The following VEZT variants were observed in gnomAD, a reference collection of about 807,000 sequenced individuals.
VEZT encodes the protein vezatin.
VEZT carries 39 observed loss-of-function variants against 79.9 expected under a neutral mutation model. The observed-to-expected ratio is 0.49, with a 90% CI of 0.38 to 0.64. VEZT has a LOEUF of 0.64. Among genes scored for constraint, VEZT ranks in the 30% least tolerant of loss-of-function variants. The probability of loss-of-function intolerance (pLI) is 0.00; values close to 1 mark genes in which losing one functional copy is unlikely to be tolerated. For synonymous variants in VEZT, 325 were observed against 327.6 expected (o/e 0.99, Z 0.09); for missense variants, 837 against 893.1 (o/e 0.94, Z 0.80).
chr12:95,293,772 A>C (rs1419712428), intron 9 of VEZT: 1 of 156,290 alleles, frequency 6.4e-6, no homozygotes, highest in Non-Finnish European at 1.4e-5. Context: ...TAAAGACTTA[A>C]AGTTAAGTTG....
intron 1 of VEZT, among the ~76,000 whole-genome samples, chr12:95,246,156 T>G (rs1286516977): frequency 6.6e-6 from 1 of 151,934 alleles, no homozygotes; most frequent in Non-Finnish European, 1.5e-5. Flanking sequence ...GGAGTCTCGC[T>G]CTGTTGCCCA....
intron 3 of VEZT, chr12:95,258,136 G>T: frequency 4.9e-6 from 2 of 411,976 alleles, no homozygotes; most frequent in Non-Finnish European, 9.8e-6. Context: ...TACTTTTTTA[G>T]CAATCCAAAT....
chr12:95,247,261 C>T (rs2061854338), intron 1 of VEZT, among the ~76,000 whole-genome samples: 2 of 152,302 alleles, frequency 1.3e-5, no homozygotes, highest in Admixed American at 6.5e-5. Flanking sequence ...TTCTTTGATA[C>T]TACAATGATC....
chr12:95,275,508 C>T (rs1329206897), intron 7 of VEZT, among the ~76,000 whole-genome samples: 1 of 151,374 alleles, frequency 6.6e-6, no homozygotes, highest in Non-Finnish European at 1.5e-5. Flanking sequence ...ACCCGGAAGG[C>T]AGAGTTTGCA....
chr12:95,248,308 G>T (rs1453275205), intron 1 of VEZT, among the ~76,000 whole-genome samples: 1 of 152,174 alleles, frequency 6.6e-6, no homozygotes, highest in East Asian at 1.9e-4. Flanking sequence ...GATATGATCT[G>T]TGATATATAA....
chr12:95,245,281 C>T (rs1412422802), intron 1 of VEZT, among the ~76,000 whole-genome samples: 4 of 151,996 alleles, frequency 2.6e-5, no homozygotes, highest in African/African-American at 9.7e-5. Flanking sequence ...CTCAGAGTGT[C>T]GTGAGTTTTG....
intron 1 of VEZT, among the ~76,000 whole-genome samples, chr12:95,251,520 C>A (rs1486391722): frequency 6.6e-6 from 1 of 152,102 alleles, no homozygotes; most frequent in East Asian, 1.9e-4. Flanking sequence ...TATTATAATT[C>A]ATACAATATA....
rs1252230782 is a variant in VEZT at position 95,271,852 on chromosome 12, C to A, written c.848+1664C>A. Reference sequence around the variant, plus strand: ...GAACAAGATAGACAAGATCCTTATTCTCGTGGAGCTTACCTTCTAGTAGAT... The same window carrying A: ...GAACAAGATAGACAAGATCCTTATTATCGTGGAGCTTACCTTCTAGTAGAT... On this transcript the variant is annotated intron_variant, in intron 6 of 11. Transcript: ENST00000436874. 2.6e-5 allele frequency among the ~76,000 whole-genome samples: 4 copies of A among 152,266 alleles called. No homozygotes were observed. The East Asian group carries it at 7.7e-4, about 29-fold the overall frequency.
chr12:95,236,951 A>T (rs12830009), intron 1 of VEZT, among the ~76,000 whole-genome samples: 16,623 of 152,204 alleles, frequency 0.11, 999 homozygotes, highest in East Asian at 0.25. Flanking sequence ...TTGGGAATAA[A>T]TGTAGATATT....
chr12:95,273,706 C>T (rs938058757), intron 6 of VEZT, among the ~76,000 whole-genome samples: 25 of 151,860 alleles, frequency 1.6e-4, no homozygotes, highest in African/African-American at 5.8e-4. Context: ...AATCTCAATA[C>T]CAAAACATGT....
At chr12:95,220,713 A>T (rs1481469702) in intron 1 of VEZT, among the ~76,000 whole-genome samples, 1 of 151,850 alleles carries the variant, frequency 6.6e-6, no homozygotes, top group Non-Finnish European at 1.5e-5. Flanking sequence ...TTATTTTGGC[A>T]TAGTATTCCA....
intron 5 of VEZT, among the ~76,000 whole-genome samples, chr12:95,269,570 T>C (rs1246055964): frequency 3.3e-5 from 5 of 152,208 alleles, no homozygotes; most frequent in East Asian, 1.9e-4. Flanking sequence ...AGTGAACATA[T>C]GTGATGAACG....
Position 95,262,980 on chromosome 12 carries a change from G to A in VEZT, c.333G>A (p.Leu111=), listed in dbSNP as rs1566147971. The A allele has an allele frequency of 6.2e-6, 10 of 1,613,524 alleles. No individual in the cohort carries two copies. The highest frequency in any genetic ancestry group is 8.5e-6 in the Non-Finnish European group (10 of 1,179,524). The change falls in exon 4 of 12, where the codon CTG becomes CTA. Residue 111 remains leucine, a synonymous_variant. Transcript: ENST00000436874. ...QEVLLQEDVE[L]IELLDPSILS... ...TCCTGTTACAAGAGGATGTGGAGCT[G>A]ATTGAGCTACTTGATCCCAGTATCC...
chr12:95,282,402 C>T lies in VEZT; in HGVS notation c.1086C>T (p.Pro362=), dbSNP rs755075952. The T allele has an allele frequency of 1.2e-6, 2 of 1,613,952 alleles. No individual in the cohort carries two copies. Among genetic ancestry groups the T allele is most frequent in the Non-Finnish European group, 1.7e-6 (2 of 1,179,892 alleles). ...CTACAGCCAATTCACCTCCTGGGCC[C>T]TTACTTACTCCAGCACTTCTGCCTC... The part of the protein sequence containing the change: ...LLSTANSPPG[P]LLTPALLPHR... The change falls in exon 8 of 12, where the codon CCC becomes CCT. Residue 362 remains proline, a synonymous_variant. Coordinates refer to ENST00000436874, the MANE Select transcript of VEZT (RefSeq NM_017599.4).
At chr12:95,239,993 G>A (rs2060723156) in intron 1 of VEZT, among the ~76,000 whole-genome samples, 1 of 147,260 alleles carries the variant, frequency 6.8e-6, no homozygotes, top group Non-Finnish European at 1.5e-5. Context: ...GAGAGAGAGA[G>A]AGGAGACAGA....
chr12:95,276,098 G>A (rs2067651135), intron 7 of VEZT, among the ~76,000 whole-genome samples: 2 of 152,016 alleles, frequency 1.3e-5, no homozygotes, highest in Middle Eastern at 3.4e-3. Context: ...TCATACAGGT[G>A]TATGAAGCAA....
intron 1 of VEZT, among the ~76,000 whole-genome samples, chr12:95,234,284 CTTTTT>C (rs10587022): frequency 4.9e-5 from 6 of 122,944 alleles, no homozygotes; most frequent in Non-Finnish European, 6.8e-5. Flanking sequence ...TATCAATAAT[CTTTTT>C]TTTTTTTTTT....
chr12:95,254,339 C>CTTTTTTTTTTT (rs34968028), intron 2 of VEZT, among the ~76,000 whole-genome samples: 3 of 69,402 alleles, frequency 4.3e-5, no homozygotes, highest in African/African-American at 5.9e-5. Context: ...AAACGAAGTT[C>CTTTTTTTTTTT]TTTTTTTTTT....
At position 95,294,381 on chromosome 12, in the gene VEZT, GA is replaced by G; in HGVS notation, c.1623+13del. 1 of 1,555,558 alleles carries G rather than the reference GA, an allele frequency of 6.4e-7. No individual in the cohort carries two copies. The highest frequency in any genetic ancestry group is 1.7e-4 in the Middle Eastern group (1 of 6,000). ...CAATCCCAGAGGAGCAGGTAAGGGT[GA>G]AAATTACTGTTCTTTCCCTTGTTGG... On this transcript the variant is annotated intron_variant, in intron 10 of 11. Coordinates refer to ENST00000436874, the MANE Select transcript of VEZT (RefSeq NM_017599.4).
Sources: gnomAD v4.1 joint callset for allele counts (sites outside exome capture counted in the v4.1 genomes callset) on GRCh38, gnomAD v4.1.1 for gene constraint, MANE v1.5 for transcripts, NCBI Gene and HGNC (gene_info 2026-07-23, HGNC 2026-07-21) for gene names.